The following HTR4 variants were observed in gnomAD, a reference collection of about 807,000 sequenced individuals.
The protein encoded by HTR4 is 5-hydroxytryptamine (serotonin) receptor 4, G protein-coupled.
In HTR4, 16 loss-of-function variants were observed where a neutral mutation model predicts 36.8. The observed-to-expected ratio is 0.43, with a 90% CI of 0.29 to 0.66. HTR4 has a LOEUF of 0.66. HTR4 is among the 30% of genes least tolerant of loss of function. The probability of loss-of-function intolerance (pLI) is 0.13; values close to 1 mark genes in which losing one functional copy is unlikely to be tolerated. For synonymous variants in HTR4, 189 were observed against 185.1 expected (o/e 1.02, Z -0.17); for missense variants, 438 against 490.9 (o/e 0.89, Z 1.02).
intron 5 of HTR4, among the ~76,000 whole-genome samples, chr5:148,459,102 T>G (rs1244239638): frequency 1.3e-5 from 2 of 152,186 alleles, no homozygotes; most frequent in Non-Finnish European, 2.9e-5. Context: ...AAGGTAGAGC[T>G]GACAGGATCT....
At chr5:148,609,564 A>G (rs996625832) in intron 2 of HTR4, among the ~76,000 whole-genome samples, 6 of 150,174 alleles carry the variant, frequency 4.0e-5, no homozygotes, top group Admixed American at 1.3e-4. Context: ...GTGCTTGTGT[A>G]TAAGGAATTT....
intron 1 of HTR4, among the ~76,000 whole-genome samples, chr5:148,649,534 A>C (rs36120141): frequency 0.19 from 29,499 of 152,114 alleles, 3,437 homozygotes; most frequent in East Asian, 0.4. Flanking sequence ...CAAGATATTA[A>C]AGGACTTTTG....
intron 6 of HTR4, among the ~76,000 whole-genome samples, chr5:148,492,473 A>AG (rs1449099384): frequency 2.6e-5 from 4 of 152,170 alleles, no homozygotes; most frequent in African/African-American, 9.7e-5. Context: ...CCCTTGTTTC[A>AG]GGAGAAGTGT....
chr5:148,574,067 C>T (rs1760787082), intron 2 of HTR4, among the ~76,000 whole-genome samples: 1 of 152,022 alleles, frequency 6.6e-6, no homozygotes, highest in Non-Finnish European at 1.5e-5. Flanking sequence ...CATTATAGTC[C>T]CATCATTGCT....
intron 2 of HTR4, among the ~76,000 whole-genome samples, chr5:148,587,076 C>T (rs1253304794): frequency 6.6e-6 from 1 of 152,184 alleles, no homozygotes; most frequent in Admixed American, 6.5e-5. Context: ...ATTGTCTCAC[C>T]TCTGGCTGCT....
At chr5:148,626,418 C>G (rs913021306) in intron 2 of HTR4, among the ~76,000 whole-genome samples, 2 of 152,156 alleles carry the variant, frequency 1.3e-5, no homozygotes, top group African/African-American at 4.8e-5. Context: ...TTCCAAATAC[C>G]TGCACATTTC....
intron 6 of HTR4, among the ~76,000 whole-genome samples, chr5:148,497,282 T>A (rs1028907261): frequency 2.0e-5 from 3 of 152,144 alleles, no homozygotes; most frequent in African/African-American, 7.2e-5. Context: ...ATTCACATAC[T>A]AATTGGTTTT....
At chr5:148,651,373 T>A (rs1019952286) in intron 1 of HTR4, among the ~76,000 whole-genome samples, 1 of 152,124 alleles carries the variant, frequency 6.6e-6, no homozygotes, top group Non-Finnish European at 1.5e-5. Context: ...CAGCAATTCA[T>A]CTATTTATTT....
intron 2 of HTR4, among the ~76,000 whole-genome samples, chr5:148,560,196 C>CAT (rs1340473564): frequency 7.8e-6 from 1 of 128,112 alleles, no homozygotes; most frequent in African/African-American, 3.0e-5. Flanking sequence ...TTACGGAAAG[C>CAT]TTTTTTTTTA....
chr5:148,654,243 G>C lies in HTR4; in HGVS notation c.-229C>G, dbSNP rs1160371342. 1.0e-6 allele frequency: 1 copy of C among 985,030 alleles called. No individual in the cohort carries two copies. The highest frequency in any genetic ancestry group is 6.2e-5 in the Admixed American group (1 of 16,244). 61.0% of individuals were successfully genotyped at this position (985,030 alleles called of 1,614,324 possible). On this transcript the variant is annotated 5_prime_UTR_variant, in exon 1 of 7. Coordinates refer to ENST00000377888, the MANE Select transcript of HTR4 (RefSeq NM_000870.7). ...GCTGGGGAGCCGGCGAGCGTGAGGC[G>C]CGGGCCAGGGGCTGCGGGCGCAGGA...
intron 5 of HTR4, chr5:148,451,369 G>T (rs1454672589): frequency 1.3e-6 from 2 of 1,583,646 alleles, no homozygotes; most frequent in Non-Finnish European, 1.7e-6. Context: ...TCCTTTCTTT[G>T]CATACTTCTG....
intron 2 of HTR4, chr5:148,630,052 G>T (rs1041160909): frequency 2.0e-5 from 3 of 152,264 alleles, no homozygotes; most frequent in South Asian, 4.2e-4. Flanking sequence ...ATGTGGCAAT[G>T]GTTGTGCCTC....
At chr5:148,603,451 G>C (rs551940797) in intron 2 of HTR4, among the ~76,000 whole-genome samples, 1 of 151,892 alleles carries the variant, frequency 6.6e-6, no homozygotes, top group Admixed American at 6.6e-5. Flanking sequence ...AATGCTAAAA[G>C]CTTTTTCATA....
intron 2 of HTR4, among the ~76,000 whole-genome samples, chr5:148,611,864 CA>C (rs1449097713): frequency 6.6e-6 from 1 of 151,574 alleles, no homozygotes; most frequent in African/African-American, 2.4e-5. Flanking sequence ...CAAAAAAAGG[CA>C]GGGGTTGCAA....
intron 2 of HTR4, among the ~76,000 whole-genome samples, chr5:148,631,248 T>G (rs1381567257): frequency 6.6e-6 from 1 of 152,136 alleles, no homozygotes; most frequent in Non-Finnish European, 1.5e-5. Flanking sequence ...ATTTTGTCAG[T>G]CAAGCAGTGA....
intron 2 of HTR4, among the ~76,000 whole-genome samples, chr5:148,626,495 A>ACAAT (rs1360975182): frequency 1.3e-5 from 2 of 152,220 alleles, no homozygotes; most frequent in African/African-American, 4.8e-5. Flanking sequence ...CTCGATTCTC[A>ACAAT]CATGTTGACT....
intron 5 of HTR4, among the ~76,000 whole-genome samples, chr5:148,511,732 G>C (rs913661308): frequency 6.6e-6 from 1 of 151,330 alleles, no homozygotes; most frequent in Admixed American, 6.6e-5. Flanking sequence ...CAGCCAAACA[G>C]TTCCCAAAGG....
intron 5 of HTR4, among the ~76,000 whole-genome samples, chr5:148,457,450 C>G (rs1281191412): frequency 5.9e-5 from 9 of 151,548 alleles, no homozygotes; most frequent in African/African-American, 2.2e-4. Context: ...GCACTTAGAG[C>G]AGCCTGGATG....
At chr5:148,478,414 T>C (rs1321258989), downstream of HTR4, among the ~76,000 whole-genome samples, 1 of 152,174 alleles carries the variant, frequency 6.6e-6, no homozygotes, top group Non-Finnish European at 1.5e-5. Flanking sequence ...GCTTAGGTCT[T>C]CATTCTAGGA....
Sources: gnomAD v4.1 joint callset for allele counts (sites outside exome capture counted in the v4.1 genomes callset) on GRCh38, gnomAD v4.1.1 for gene constraint, MANE v1.5 for transcripts, NCBI Gene and HGNC (gene_info 2026-07-23, HGNC 2026-07-21) for gene names.